SMYD3: variants seen among roughly 807,000 people sequenced by gnomAD.
SMYD3 encodes the protein SET and MYND domain containing 3.
A neutral mutation model predicts 57.7 loss-of-function variants in SMYD3; 36 were observed. The observed-to-expected ratio is 0.62, with a 90% CI of 0.48 to 0.82. The LOEUF is 0.82. Ranked by LOEUF, SMYD3 falls within the 40% of genes least tolerant of loss-of-function variation. The probability of loss-of-function intolerance (pLI) is 0.00; values close to 1 mark genes in which losing one functional copy is unlikely to be tolerated. For synonymous variants in SMYD3, 211 were observed against 195.0 expected, an observed-to-expected ratio of 1.08 and a Z score of -0.68; for missense variants, 515 against 538.8, an observed-to-expected ratio of 0.96 and a Z score of 0.44.
chr1:246,227,956 C>CTTTT (rs202246263), intron 5 of SMYD3, among the ~76,000 whole-genome samples: 228 of 115,546 alleles, frequency 2.0e-3, no homozygotes, highest in Middle Eastern at 5.0e-3. Context: ...ATTTTTATTC[C>CTTTT]TTTTTTTTTT....
At chr1:246,002,880 G>T (rs1038329220) in intron 5 of SMYD3, among the ~76,000 whole-genome samples, 1 of 152,196 alleles carries the variant, frequency 6.6e-6, no homozygotes, top group Non-Finnish European at 1.5e-5. Flanking sequence ...CTCCCAAAGT[G>T]CTGGGATCAC....
chr1:246,269,543 CTTTTTTTTTTTTG>C (rs2064178878), intron 5 of SMYD3, among the ~76,000 whole-genome samples: 1 of 135,222 alleles, frequency 7.4e-6, no homozygotes, highest in Admixed American at 7.5e-5. Flanking sequence ...CTTTTTTTTT[CTTTTTTTTTTTTG>C]TTTTTGTTGT....
chr1:246,330,507 G>A lies in SMYD3; in HGVS notation c.367C>T (p.Leu123Phe), dbSNP rs1362854398. 6.3e-7 allele frequency: 1 copy of A among 1,594,380 alleles called. No individual in the cohort carries two copies. Among genetic ancestry groups the A allele is most frequent in the South Asian group, 1.2e-5 (1 of 84,952 alleles). Residue 123 changes from leucine (L) to phenylalanine (F), a missense_variant, in exon 4 of 12, where the codon CTT becomes TTT. By Grantham distance (22) the Leu-to-Phe change is conservative. Coordinates refer to ENST00000490107, the MANE Select transcript of SMYD3 (RefSeq NM_001167740.2). Reference sequence around the variant, plus strand: ...GACTCCAGATCATAAAATGAGTAAAGCTTCTCTGATTCTGAAGGTGCTCCA... The same window carrying A: ...GACTCCAGATCATAAAATGAGTAAAACTTCTCTGATTCTGAAGGTGCTCCA... ...MDGAPSESEK[L>F]YSFYDLESNI...
intron 1 of SMYD3, among the ~76,000 whole-genome samples, chr1:246,444,408 G>A (rs1177125783): frequency 6.6e-6 from 1 of 152,120 alleles, no homozygotes; most frequent in Non-Finnish European, 1.5e-5. Context: ...ACAGGCATGA[G>A]CCATCGCGCC....
chr1:245,805,657 T>C (rs988747218), intron 10 of SMYD3, among the ~76,000 whole-genome samples: 4 of 152,224 alleles, frequency 2.6e-5, no homozygotes, highest in Non-Finnish European at 5.9e-5. Context: ...TATTTTGCTT[T>C]TTTACCATCT....
intron 1 of SMYD3, among the ~76,000 whole-genome samples, chr1:246,451,692 G>A (rs573686106): frequency 1.4e-4 from 21 of 152,362 alleles, no homozygotes; most frequent in African/African-American, 4.6e-4. Flanking sequence ...CCATTCTGGC[G>A]GGGGGTGTCC....
intron 5 of SMYD3, among the ~76,000 whole-genome samples, chr1:245,971,124 A>G (rs2058289886): frequency 6.6e-6 from 1 of 152,250 alleles, no homozygotes; most frequent in African/African-American, 2.4e-5. Flanking sequence ...GCCATAAAAA[A>G]GGATAAGTTC....
chr1:245,906,674 G>A (rs2054585415), intron 8 of SMYD3, among the ~76,000 whole-genome samples: 1 of 152,120 alleles, frequency 6.6e-6, no homozygotes, highest in Non-Finnish European at 1.5e-5. Flanking sequence ...TCAGCTTATC[G>A]AAGAGGTATC....
chr1:245,817,498 C>A (rs1259024303), intron 10 of SMYD3, among the ~76,000 whole-genome samples: 1 of 152,080 alleles, frequency 6.6e-6, no homozygotes, highest in East Asian at 1.9e-4. Context: ...ACCTCTCCTC[C>A]TCCAAAGGAA....
intron 1 of SMYD3, among the ~76,000 whole-genome samples, chr1:246,377,210 A>G (rs2066293944): frequency 6.6e-6 from 1 of 152,228 alleles, no homozygotes; most frequent in Non-Finnish European, 1.5e-5. Flanking sequence ...TAGTGAGGAA[A>G]GTGGTAATGT....
chr1:246,329,262 C>T (rs1231861780), intron 4 of SMYD3, among the ~76,000 whole-genome samples: 1 of 152,144 alleles, frequency 6.6e-6, no homozygotes, highest in Non-Finnish European at 1.5e-5. Context: ...TGAGGAATTG[C>T]CACACTGACT....
chr1:246,455,789 A>G (rs2067692788), intron 1 of SMYD3, among the ~76,000 whole-genome samples: 1 of 152,252 alleles, frequency 6.6e-6, no homozygotes, highest in Non-Finnish European at 1.5e-5. Flanking sequence ...ATTCTTGGAA[A>G]TTATTACTTT....
At chr1:246,489,448 C>A (rs11799533) in intron 1 of SMYD3, among the ~76,000 whole-genome samples, 59,359 of 151,974 alleles carry the variant, frequency 0.39, 13,202 homozygotes, top group East Asian at 0.62. Flanking sequence ...ATGAAGATCA[C>A]GAGGTAGCTA....
intron 5 of SMYD3, among the ~76,000 whole-genome samples, chr1:246,302,209 G>T (rs1200259109): frequency 6.6e-6 from 1 of 152,076 alleles, no homozygotes; most frequent in African/African-American, 2.4e-5. Context: ...TAGAACTTTT[G>T]GCCACTGTCT....
intron 1 of SMYD3, among the ~76,000 whole-genome samples, chr1:246,462,024 G>C (rs1030625142): frequency 2.0e-5 from 3 of 152,156 alleles, no homozygotes; most frequent in African/African-American, 7.2e-5. Context: ...AGGCTAGTGT[G>C]GTAGGGAGGG....
intron 1 of SMYD3, among the ~76,000 whole-genome samples, chr1:246,468,022 G>C (rs1022529718): frequency 6.6e-6 from 1 of 151,660 alleles, no homozygotes; most frequent in African/African-American, 2.4e-5. Context: ...TTAGGCGGGC[G>C]TGGTGGCACA....
At chr1:245,769,637 A>C (rs2362928) in intron 10 of SMYD3, among the ~76,000 whole-genome samples, 26,183 of 152,248 alleles carry the variant, frequency 0.17, 2,452 homozygotes, top group East Asian at 0.32. Flanking sequence ...CTGTAAAAAC[A>C]TATTTCTGGG....
chr1:246,000,470 G>A (rs2059019068), intron 5 of SMYD3, among the ~76,000 whole-genome samples: 1 of 152,112 alleles, frequency 6.6e-6, no homozygotes, highest in Non-Finnish European at 1.5e-5. Flanking sequence ...TGGTCTGCAG[G>A]GGGCGTCCAC....
intron 7 of SMYD3, among the ~76,000 whole-genome samples, chr1:245,926,129 C>G (rs1352304602): frequency 2.6e-5 from 4 of 152,222 alleles, no homozygotes; most frequent in Non-Finnish European, 5.9e-5. Context: ...CCAATCTCAT[C>G]ATGGGGTTCC....
Sources: allele counts gnomAD v4.1 joint callset (sites outside exome capture counted in the v4.1 genomes callset), GRCh38; gene constraint gnomAD v4.1.1; transcripts MANE v1.5; gene names NCBI Gene and HGNC (gene_info 2026-07-23, HGNC 2026-07-21).